PAIP2B: variants seen among roughly 807,000 people sequenced by gnomAD.
PAIP2B encodes the protein polyadenylate-binding protein-interacting protein 2B.
A neutral mutation model predicts 17.0 loss-of-function variants in PAIP2B; 13 were observed. The ratio of observed to expected loss-of-function variants is 0.76; its 90% confidence interval spans 0.50 to 1.22. The LOEUF is 1.22. Among genes scored for constraint, PAIP2B ranks in the 50% most tolerant of loss-of-function variants. The pLI is 0.00. For missense variants in PAIP2B, 117 were observed against 144.5 expected (o/e 0.81, Z 0.98); for synonymous variants, 43 against 48.7 (o/e 0.88, Z 0.48).
At chr2:71,191,248 A>C (rs936258948) in intron 2 of PAIP2B, among the ~76,000 whole-genome samples, 2 of 152,242 alleles carry the variant, frequency 1.3e-5, no homozygotes, top group African/African-American at 2.4e-5. Flanking sequence ...AGGAAAAGTT[A>C]CTGGTAGTGA....
chr2:71,215,727 C>G (rs148775267), intron 1 of PAIP2B, among the ~76,000 whole-genome samples: 8 of 152,346 alleles, frequency 5.3e-5, no homozygotes, highest in African/African-American at 1.9e-4. Context: ...AGTTTCTTTT[C>G]TCTTCAACGC....
intron 2 of PAIP2B, among the ~76,000 whole-genome samples, chr2:71,194,988 T>C (rs577261474): frequency 6.6e-6 from 1 of 152,360 alleles, no homozygotes; most frequent in South Asian, 2.1e-4. Context: ...GAGATAATCA[T>C]GTGGCTTTTA....
rs1429239043 is a variant in PAIP2B, at chr2:71,186,823, A to G, written c.*1656T>C. 1.3e-5 allele frequency: 2 copies of G among 152,170 alleles called. No individual in the cohort carries two copies. The highest frequency in any genetic ancestry group is 2.9e-5 in the Non-Finnish European group (2 of 68,040). 9.4% of individuals were successfully genotyped at this position (152,170 alleles called of 1,614,324 possible). A position where few individuals can be genotyped will look rare whatever the true frequency, so the allele number is the denominator to read the frequency against. ...GACATGTGACCTAACAAGGAAGGCA[A>G]TTTTTTCAAATGATATAATCCTAAA... On this transcript the variant is annotated 3_prime_UTR_variant, in exon 4 of 4. Transcript: ENST00000244221.
rs1016395449 is a variant in PAIP2B at position 71,186,250 on chromosome 2, C to G, written c.*2229G>C. 1.3e-5 allele frequency: 2 copies of G among 152,186 alleles called. No individual in the cohort carries two copies. Among genetic ancestry groups the G allele is most frequent in the Admixed American group, 1.3e-4 (2 of 15,286 alleles). The allele number at this position is 152,186 out of a possible 1,614,324, so 9.4% of individuals were successfully genotyped here. On this transcript the variant is annotated 3_prime_UTR_variant, in exon 4 of 4. Coordinates refer to ENST00000244221, the MANE Select transcript of PAIP2B (RefSeq NM_020459.1). ...TGTGTTGTGAGTGACAATTGTGCCCCTACCTCCCAACATAAATAGATGGCA... is the reference window on the plus strand; with the variant it reads ...TGTGTTGTGAGTGACAATTGTGCCCGTACCTCCCAACATAAATAGATGGCA...
chr2:71,219,071 A>G (rs971701087), intron 1 of PAIP2B, among the ~76,000 whole-genome samples: 13 of 145,462 alleles, frequency 8.9e-5, no homozygotes, highest in African/African-American at 3.3e-4. Context: ...GCCCGCCACC[A>G]CGCCTAGCTA....
intron 1 of PAIP2B, among the ~76,000 whole-genome samples, chr2:71,221,613 T>A (rs866267763): frequency 6.6e-6 from 1 of 152,256 alleles, no homozygotes; most frequent in Admixed American, 6.5e-5. Context: ...TGTTAGATTC[T>A]TTATTAATAA....
intron 2 of PAIP2B, among the ~76,000 whole-genome samples, chr2:71,201,813 C>T (rs1332226540): frequency 2.6e-5 from 4 of 152,154 alleles, no homozygotes; most frequent in African/African-American, 9.7e-5. Flanking sequence ...TTTAGTGCTC[C>T]ACTGTTCAAG....
At chr2:71,217,929 G>T (rs909227304) in intron 1 of PAIP2B, among the ~76,000 whole-genome samples, 1 of 152,054 alleles carries the variant, frequency 6.6e-6, no homozygotes, top group Admixed American at 6.6e-5. Context: ...TCTGCTGGGC[G>T]TGGTGGTATA....
chr2:71,217,660 C>G (rs1306061215), intron 1 of PAIP2B, among the ~76,000 whole-genome samples: 1 of 152,212 alleles, frequency 6.6e-6, no homozygotes, highest in African/African-American at 2.4e-5. Flanking sequence ...ACAGTTCCAT[C>G]TGTTCAATAT....
chr2:71,222,336 G>C (rs1334565615), intron 1 of PAIP2B, among the ~76,000 whole-genome samples: 1 of 152,196 alleles, frequency 6.6e-6, no homozygotes. Flanking sequence ...TGCTTCAGCT[G>C]AGGACGGCAT....
intron 1 of PAIP2B, among the ~76,000 whole-genome samples, chr2:71,217,576 GCT>G (rs1487963490): frequency 6.6e-6 from 1 of 152,136 alleles, no homozygotes; most frequent in African/African-American, 2.4e-5. Flanking sequence ...TTACTGTATT[GCT>G]TCTTGCTTTC....
Position 71,183,992 on chromosome 2 carries a change from T to C in PAIP2B, c.*4487A>G, listed in dbSNP as rs550727211. Reference sequence around the variant, plus strand: ...AACCATCCTTCAAGCATTAAACATTTTTGGAGGCTCATAATCAACAGGACA... The same window carrying C: ...AACCATCCTTCAAGCATTAAACATTCTTGGAGGCTCATAATCAACAGGACA... On this transcript the variant is annotated 3_prime_UTR_variant, in exon 4 of 4. Coordinates refer to ENST00000244221, the MANE Select transcript of PAIP2B (RefSeq NM_020459.1). The C allele has an allele frequency of 1.2e-4, 19 of 152,310 alleles. No homozygotes were observed. In the South Asian group the frequency reaches 2.3e-3, roughly 18 times the overall value. The allele number at this position is 152,310 out of a possible 1,614,324, so 9.4% of individuals were successfully genotyped here. A position where few individuals can be genotyped will look rare whatever the true frequency, so the allele number is the denominator to read the frequency against.
chr2:71,202,524 A>T lies in PAIP2B; in HGVS notation c.66T>A (p.Ser22Arg), dbSNP rs146952168. Residue 22 changes from serine (S) to arginine (R), a missense_variant, in exon 2 of 4, where the codon AGT becomes AGA. Coordinates refer to ENST00000244221, the MANE Select transcript of PAIP2B (RefSeq NM_020459.1). ...ATGGGTTTTCCTTTTCATCGTGCCC[A>T]CTTAACCCCTGGTCCTCTTTGGATT... ...SVKSKEDQGL[S>R]GHDEKENPFA... The T allele has an allele frequency of 1.5e-5, 25 of 1,613,794 alleles. No homozygotes were observed. Among genetic ancestry groups the T allele is most frequent in the Non-Finnish European group, 1.9e-5 (23 of 1,179,762 alleles).
At chr2:71,203,131 G>C (rs1231606549) in intron 1 of PAIP2B, among the ~76,000 whole-genome samples, 1 of 152,012 alleles carries the variant, frequency 6.6e-6, no homozygotes, top group Non-Finnish European at 1.5e-5. Flanking sequence ...AATTAACAAT[G>C]TTGCGCATAT....
chr2:71,207,519 TGC>T (rs1675163289), intron 1 of PAIP2B, among the ~76,000 whole-genome samples: 2 of 134,818 alleles, frequency 1.5e-5, no homozygotes, highest in African/African-American at 5.4e-5. Flanking sequence ...CTCCTTATAA[TGC>T]ACCGTAGCAT....
chr2:71,208,377 C>A (rs146960854), intron 1 of PAIP2B, among the ~76,000 whole-genome samples: 1 of 151,750 alleles, frequency 6.6e-6, no homozygotes, highest in Non-Finnish European at 1.5e-5. Flanking sequence ...GAGCTGAGAT[C>A]GCGCCATCGC....
intron 2 of PAIP2B, among the ~76,000 whole-genome samples, chr2:71,201,526 G>A (rs1674985006): frequency 6.6e-6 from 1 of 151,932 alleles, no homozygotes; most frequent in South Asian, 2.1e-4. Context: ...GATTATAGGA[G>A]GGTGCCACCA....
chr2:71,215,849 G>A (rs78436706), intron 1 of PAIP2B, among the ~76,000 whole-genome samples: 10,018 of 152,212 alleles, frequency 0.066, 433 homozygotes, highest in Middle Eastern at 0.099. Flanking sequence ...TTATATATCT[G>A]TGTATCTATG....
intron 1 of PAIP2B, among the ~76,000 whole-genome samples, chr2:71,216,710 T>C (rs1675438347): frequency 6.6e-6 from 1 of 152,216 alleles, no homozygotes; most frequent in Non-Finnish European, 1.5e-5. Flanking sequence ...GCAATCTGTG[T>C]TGCAATAAGC....
Sources: allele counts gnomAD v4.1 joint callset (sites outside exome capture counted in the v4.1 genomes callset), GRCh38; gene constraint gnomAD v4.1.1; transcripts MANE v1.5; gene names NCBI Gene and HGNC (gene_info 2026-07-23, HGNC 2026-07-21).